Variants in CDH8 observed in about 807,000 individuals in gnomAD.
CDH8 encodes the protein cadherin-8.
Under a neutral mutation model 68.1 loss-of-function variants are expected in CDH8, and 17 were observed. The ratio of observed to expected loss-of-function variants is 0.25; its 90% CI spans 0.17 to 0.37. The LOEUF (loss-of-function observed/expected upper bound fraction) is 0.37. Ranked by LOEUF, CDH8 falls within the 10% of genes least tolerant of loss-of-function variation. The pLI, the probability that CDH8 is intolerant of heterozygous loss-of-function variation, is 1.00. For synonymous variants in CDH8, 372 were observed against 365.1 expected (o/e 1.02, Z -0.21); for missense variants, 763 against 999.3 (o/e 0.76, Z 3.19).
intron 3 of CDH8, among the ~76,000 whole-genome samples, chr16:61,878,804 G>T (rs182495167): frequency 6.6e-6 from 1 of 152,222 alleles, no homozygotes; most frequent in East Asian, 1.9e-4. Flanking sequence ...TAATCAGTAG[G>T]ATGTGCAGAG....
intron 9 of CDH8, among the ~76,000 whole-genome samples, chr16:61,719,507 T>C (rs1167507282): frequency 6.6e-6 from 1 of 151,084 alleles, no homozygotes; most frequent in Non-Finnish European, 1.5e-5. Context: ...TGATGTGTAC[T>C]TTGTATACTA....
chr16:61,888,497 G>C (rs4783766), intron 3 of CDH8, among the ~76,000 whole-genome samples: 31,543 of 151,966 alleles, frequency 0.21, 3,659 homozygotes, highest in African/African-American at 0.32. Context: ...GACTGTTACT[G>C]GTTCTGACTT....
chr16:61,709,320 G>C (rs1964586696), intron 10 of CDH8, among the ~76,000 whole-genome samples: 1 of 151,986 alleles, frequency 6.6e-6, no homozygotes, highest in African/African-American at 2.4e-5. Context: ...GGTATACCTG[G>C]CTTAAGGCAG....
intron 3 of CDH8, among the ~76,000 whole-genome samples, chr16:61,857,854 A>C (rs1278757024): frequency 2.0e-5 from 3 of 152,098 alleles, no homozygotes; most frequent in Non-Finnish European, 4.4e-5. Context: ...CCTGTTATGG[A>C]GTATATATAT....
intron 10 of CDH8, among the ~76,000 whole-genome samples, chr16:61,700,937 T>A (rs1305633791): frequency 6.6e-6 from 1 of 152,240 alleles, no homozygotes; most frequent in African/African-American, 2.4e-5. Flanking sequence ...AAGTGATATA[T>A]GTGCTAATTA....
At chr16:61,766,290 A>G (rs1157809441) in intron 8 of CDH8, among the ~76,000 whole-genome samples, 1 of 152,014 alleles carries the variant, frequency 6.6e-6, no homozygotes, top group African/African-American at 2.4e-5. Context: ...AATGGCCCCC[A>G]GTTCCATCCA....
At chr16:61,864,580 A>AG (rs1246852080) in intron 3 of CDH8, among the ~76,000 whole-genome samples, 1 of 152,144 alleles carries the variant, frequency 6.6e-6, no homozygotes, top group Non-Finnish European at 1.5e-5. Flanking sequence ...AGTATTTTTC[A>AG]GTTTTGCTAT....
At chr16:61,837,872 A>T (rs1962600545) in intron 4 of CDH8, among the ~76,000 whole-genome samples, 1 of 152,002 alleles carries the variant, frequency 6.6e-6, no homozygotes, top group South Asian at 2.1e-4. Context: ...ATAGATCTCT[A>T]TGTCCCTCCA....
chr16:61,671,221 G>C (rs2142778894), intron 10 of CDH8, among the ~76,000 whole-genome samples: 1 of 152,040 alleles, frequency 6.6e-6, no homozygotes, highest in South Asian at 2.1e-4. Context: ...ATGGGCCCTG[G>C]GTATCTGCAT....
At chr16:61,736,147 GGAAGGAAGGAAA>G (rs1411508767) in intron 8 of CDH8, among the ~76,000 whole-genome samples, 39 of 148,038 alleles carry the variant, frequency 2.6e-4, no homozygotes, top group African/African-American at 9.3e-4. Context: ...AAGGAAGGAA[GGAAGGAAGGAAA>G]GAAGGAAGGA....
chr16:61,694,382 T>C (rs949678190), intron 10 of CDH8, among the ~76,000 whole-genome samples: 1 of 152,218 alleles, frequency 6.6e-6, no homozygotes, highest in Non-Finnish European at 1.5e-5. Flanking sequence ...TAGATGAATT[T>C]ATACTTGGAG....
At chr16:62,029,164 G>A (rs1318386481) in intron 1 of CDH8, among the ~76,000 whole-genome samples, 1 of 152,164 alleles carries the variant, frequency 6.6e-6, no homozygotes, top group African/African-American at 2.4e-5. Flanking sequence ...TACTTTGAAA[G>A]ATTAAGGAAG....
intron 3 of CDH8, among the ~76,000 whole-genome samples, chr16:61,871,046 A>G (rs761520673): frequency 1.3e-5 from 2 of 152,182 alleles, no homozygotes; most frequent in African/African-American, 4.8e-5. Flanking sequence ...TCATTCATCT[A>G]TTCAATTACT....
intron 7 of CDH8, among the ~76,000 whole-genome samples, chr16:61,793,450 T>C (rs1961426928): frequency 6.6e-6 from 1 of 151,914 alleles, no homozygotes; most frequent in Non-Finnish European, 1.5e-5. Flanking sequence ...TTCCCCTTTA[T>C]GTGTCCATAT....
intron 1 of CDH8, among the ~76,000 whole-genome samples, chr16:62,023,911 G>A (rs1431649388): frequency 2.0e-5 from 3 of 152,122 alleles, no homozygotes; most frequent in Non-Finnish European, 2.9e-5. Flanking sequence ...AGTTTTGTTT[G>A]TTTATTTGTT....
intron 10 of CDH8, among the ~76,000 whole-genome samples, chr16:61,680,400 C>T (rs978439195): frequency 4.0e-5 from 6 of 151,748 alleles, no homozygotes; most frequent in East Asian, 1.9e-4. Context: ...CTACCAATGC[C>T]GATTCTAATA....
chr16:61,967,918 C>T (rs1332347482), intron 2 of CDH8, among the ~76,000 whole-genome samples: 1 of 152,188 alleles, frequency 6.6e-6, no homozygotes, highest in Non-Finnish European at 1.5e-5. Context: ...AAGCAATTCT[C>T]CTGCCTCGGC....
intron 2 of CDH8, among the ~76,000 whole-genome samples, chr16:61,951,856 C>T (rs1228771885): frequency 6.6e-6 from 1 of 152,094 alleles, no homozygotes; most frequent in Non-Finnish European, 1.5e-5. Context: ...GTATCCCTCA[C>T]CAAGAGGAAA....
chr16:62,011,177 C>T (rs1310795910), intron 2 of CDH8, among the ~76,000 whole-genome samples: 1 of 152,186 alleles, frequency 6.6e-6, no homozygotes, highest in Non-Finnish European at 1.5e-5. Flanking sequence ...TATTTTGCTA[C>T]TGCCTTCCAT....
Sources: allele counts gnomAD v4.1 joint callset (sites outside exome capture counted in the v4.1 genomes callset), GRCh38; gene constraint gnomAD v4.1.1; transcripts MANE v1.5; gene names NCBI Gene and HGNC (gene_info 2026-07-23, HGNC 2026-07-21).